KCNMA1: variants seen among roughly 807,000 people sequenced by gnomAD.
KCNMA1 encodes potassium calcium-activated channel subfamily M alpha 1.
KCNMA1 carries 29 observed loss-of-function variants against 140.0 expected under a neutral mutation model. The ratio of observed to expected loss-of-function variants is 0.21; its 90% CI spans 0.15 to 0.28. The LOEUF is 0.28. Among genes scored for constraint, KCNMA1 ranks in the 10% least tolerant of loss-of-function variants. KCNMA1 has a pLI of 1.00. For missense variants in KCNMA1, 880 were observed against 1,602.2 expected (o/e 0.55, Z 7.70); for synonymous variants, 612 against 611.9 (o/e 1.00, Z 0.00).
At chr10:77,562,759 C>T (rs1035251475) in intron 1 of KCNMA1, among the ~76,000 whole-genome samples, 3 of 152,222 alleles carry the variant, frequency 2.0e-5, no homozygotes, top group African/African-American at 7.2e-5. Context: ...TCATCACTTC[C>T]TCCTTTGCCT....
chr10:77,080,356 A>G (rs2096534134), intron 12 of KCNMA1, among the ~76,000 whole-genome samples: 1 of 152,216 alleles, frequency 6.6e-6, no homozygotes, highest in Admixed American at 6.5e-5. Context: ...TACTGCTTCA[A>G]TAAAGCTGTT....
chr10:77,335,114 C>G (rs2088351627), intron 2 of KCNMA1, among the ~76,000 whole-genome samples: 1 of 152,172 alleles, frequency 6.6e-6, no homozygotes, highest in Non-Finnish European at 1.5e-5. Context: ...AGAAAAGCCT[C>G]TCCCCTTCCC....
intron 15 of KCNMA1, among the ~76,000 whole-genome samples, chr10:77,034,047 C>A (rs2094142911): frequency 6.6e-6 from 1 of 151,922 alleles, no homozygotes; most frequent in African/African-American, 2.4e-5. Context: ...TTCAAGACCA[C>A]CCAGGGCAAC....
intron 1 of KCNMA1, among the ~76,000 whole-genome samples, chr10:77,419,428 CTTTGTTTTGT>C (rs936663666): frequency 6.6e-6 from 1 of 152,100 alleles, no homozygotes; most frequent in African/African-American, 2.4e-5. Context: ...TCCCAAGTCT[CTTTGTTTTGT>C]TTTGTTTTGT....
chr10:77,096,015 G>A (rs1017661164), intron 9 of KCNMA1, among the ~76,000 whole-genome samples: 3 of 152,164 alleles, frequency 2.0e-5, no homozygotes, highest in African/African-American at 7.2e-5. Context: ...TGTGACCATG[G>A]AATAGTCACC....
At chr10:76,918,094 T>C (rs1034631625) in intron 23 of KCNMA1, among the ~76,000 whole-genome samples, 1 of 152,172 alleles carries the variant, frequency 6.6e-6, no homozygotes, top group Non-Finnish European at 1.5e-5. Context: ...GCCATGACTA[T>C]ATCATGGGTA....
chr10:77,083,856 GT>G (rs1411647930), intron 12 of KCNMA1, among the ~76,000 whole-genome samples: 1 of 143,132 alleles, frequency 7.0e-6, no homozygotes, highest in African/African-American at 2.6e-5. Context: ...ACGGGGGGGG[GT>G]TGGGGGAGGT....
intron 24 of KCNMA1, chr10:76,912,324 T>C (rs1013444211): frequency 3.3e-5 from 5 of 152,158 alleles, no homozygotes; most frequent in African/African-American, 1.2e-4. Flanking sequence ...AGTCTCCAAG[T>C]AGATGAAAAG....
In KCNMA1 at chr10:77,524,924, G is replaced by A. The variant is rs76151723; in HGVS notation, c.378+112341C>T. 1.8e-3 allele frequency among the ~76,000 whole-genome samples: 279 copies of A among 152,268 alleles called. 7 individuals carry two copies. The East Asian group carries it at 0.048, about 26-fold the overall frequency. The stretch of plus-strand genomic sequence containing the variant: ...GAGGGCTGTCATGGATCACCTGCAC[G>A]GATATGATCCCCGGCCTCCCTCAGC... On this transcript the variant is annotated intron_variant, in intron 1 of 27. Coordinates refer to ENST00000286628, the MANE Select transcript of KCNMA1 (RefSeq NM_001161352.2).
At chr10:77,553,395 T>C (rs1029109651) in intron 1 of KCNMA1, among the ~76,000 whole-genome samples, 2 of 152,078 alleles carry the variant, frequency 1.3e-5, no homozygotes, top group African/African-American at 4.8e-5. Context: ...ACTTGGGAGC[T>C]GAGAAGGCAG....
At chr10:77,071,187 T>G (rs530422100) in intron 14 of KCNMA1, 13 of 152,352 alleles carry the variant, frequency 8.5e-5, no homozygotes, top group African/African-American at 2.9e-4. Context: ...GGAGGAAGGT[T>G]GGGCAGAGGT....
At chr10:77,490,140 A>G (rs1443555675) in intron 1 of KCNMA1, among the ~76,000 whole-genome samples, 1 of 152,166 alleles carries the variant, frequency 6.6e-6, no homozygotes, top group East Asian at 1.9e-4. Flanking sequence ...CCTGGTTGAG[A>G]ACCACGGGGT....
intron 3 of KCNMA1, among the ~76,000 whole-genome samples, chr10:77,211,480 A>G (rs1258841381): frequency 6.6e-6 from 1 of 152,212 alleles, no homozygotes; most frequent in Non-Finnish European, 1.5e-5. Context: ...ATTTAAATAG[A>G]AGACCTCAAA....
intron 1 of KCNMA1, among the ~76,000 whole-genome samples, chr10:77,420,863 C>T (rs1349100337): frequency 6.6e-6 from 1 of 152,202 alleles, no homozygotes; most frequent in Non-Finnish European, 1.5e-5. Flanking sequence ...GACTCCTAAG[C>T]TTCATAATCA....
intron 17 of KCNMA1, among the ~76,000 whole-genome samples, chr10:77,013,994 AAAT>A (rs1219146272): frequency 5.3e-5 from 8 of 152,248 alleles, no homozygotes; most frequent in Admixed American, 1.3e-4. Context: ...TTTAATTGAC[AAAT>A]AATAATTGTA....
chr10:77,381,103 C>G (rs528167635), intron 2 of KCNMA1, among the ~76,000 whole-genome samples: 61 of 152,214 alleles, frequency 4.0e-4, no homozygotes, highest in African/African-American at 1.4e-3. Context: ...CTATGAGACC[C>G]ATTCAGGCTC....
At chr10:77,261,117 A>T (rs1476496717) in intron 2 of KCNMA1, among the ~76,000 whole-genome samples, 2 of 152,146 alleles carry the variant, frequency 1.3e-5, no homozygotes, top group South Asian at 4.1e-4. Context: ...GCCCCCCAGC[A>T]GTTTGTCTCT....
At chr10:77,083,847 C>G (rs7918245) in intron 12 of KCNMA1, among the ~76,000 whole-genome samples, 13,016 of 119,520 alleles carry the variant, frequency 0.11, 29 homozygotes, top group Non-Finnish European at 0.14. Flanking sequence ...TGAAAAAAAA[C>G]GGGGGGGGGT....
chr10:76,928,023 C>T (rs914520170), intron 23 of KCNMA1, among the ~76,000 whole-genome samples: 3 of 152,038 alleles, frequency 2.0e-5, no homozygotes, highest in Admixed American at 1.3e-4. Context: ...GAAGTCACTA[C>T]CCACATTAAG....
Sources: allele counts gnomAD v4.1 joint callset (sites outside exome capture counted in the v4.1 genomes callset), GRCh38; gene constraint gnomAD v4.1.1; transcripts MANE v1.5; gene names NCBI Gene and HGNC (gene_info 2026-07-23, HGNC 2026-07-21).